Variants in SLC24A3 observed in about 807,000 individuals in gnomAD.
SLC24A3 encodes the protein solute carrier family 24 member 3, also known as sodium/potassium/calcium exchanger 3.
In SLC24A3, 28 loss-of-function variants were observed where a neutral mutation model predicts 75.8. The ratio of observed to expected loss-of-function variants is 0.37; its 90% CI spans 0.27 to 0.51. The LOEUF is 0.51. Ranked by LOEUF, SLC24A3 falls within the 20% of genes least tolerant of loss-of-function variation. SLC24A3 has a pLI of 0.94. For missense variants in SLC24A3, 663 were observed against 847.8 expected (o/e 0.78, Z 2.71); for synonymous variants, 372 against 334.1 (o/e 1.11, Z -1.24).
In SLC24A3 at chr20:19,671,648, T is replaced by G. The variant is rs2032468808; in HGVS notation, c.714-1953T>G. Among the ~76,000 whole-genome samples the G allele has an allele frequency of 3.9e-5, 4 of 101,868 alleles. No homozygotes were observed. In the Admixed American group the frequency reaches 4.0e-4, roughly 10 times the overall value. 66.8% of individuals were successfully genotyped at this position (101,868 alleles called of 152,430 possible). On this transcript the variant is annotated intron_variant, in intron 8 of 16. Coordinates refer to ENST00000328041, the MANE Select transcript of SLC24A3 (RefSeq NM_020689.4). The stretch of plus-strand genomic sequence containing the variant: ...AAGCCCAGGGTTGGTTTTTTTTTTG[T>G]TTTTTTGTTTTTTTGTTTTTTTGTT...
At chr20:19,632,306 T>A (rs568069654) in intron 6 of SLC24A3, among the ~76,000 whole-genome samples, 215 of 152,340 alleles carry the variant, frequency 1.4e-3, no homozygotes, top group African/African-American at 5.0e-3. Flanking sequence ...CTTACAGTTC[T>A]GGATGTTAGA....
At chr20:19,542,437 G>A (rs1204984316) in intron 3 of SLC24A3, among the ~76,000 whole-genome samples, 1 of 152,176 alleles carries the variant, frequency 6.6e-6, no homozygotes, top group Non-Finnish European at 1.5e-5. Context: ...ACTTCCAGGT[G>A]AAATCACCTG....
chr20:19,595,954 C>T (rs1040711964), intron 6 of SLC24A3, among the ~76,000 whole-genome samples: 1 of 152,068 alleles, frequency 6.6e-6, no homozygotes, highest in Non-Finnish European at 1.5e-5. Context: ...CAGAAGCAAG[C>T]TTGACATGTT....
At chr20:19,715,502 G>T (rs2033035380) in intron 15 of SLC24A3, among the ~76,000 whole-genome samples, 1 of 152,198 alleles carries the variant, frequency 6.6e-6, no homozygotes, top group South Asian at 2.1e-4. Flanking sequence ...TCCAGCTGGG[G>T]GCCAGCAAAT....
chr20:19,575,262 A>G (rs1339798414), intron 3 of SLC24A3, among the ~76,000 whole-genome samples: 4 of 124,202 alleles, frequency 3.2e-5, no homozygotes, highest in Non-Finnish European at 7.1e-5. Flanking sequence ...CTCAAAAAAA[A>G]AAAAAAAAAA....
intron 2 of SLC24A3, among the ~76,000 whole-genome samples, chr20:19,481,887 G>A (rs918420170): frequency 1.3e-5 from 2 of 151,998 alleles, no homozygotes; most frequent in South Asian, 4.1e-4. Flanking sequence ...TAGACCTAGT[G>A]GACACCTCCT....
At chr20:19,586,424 T>C (rs1359661587) in intron 6 of SLC24A3, among the ~76,000 whole-genome samples, 1 of 152,214 alleles carries the variant, frequency 6.6e-6, no homozygotes, top group African/African-American at 2.4e-5. Context: ...AGGAACCTGC[T>C]GATCCTAACC....
In SLC24A3 at chr20:19,698,802, G is replaced by A. The variant is rs2032840782; in HGVS notation, c.1719+122G>A. ...GGTGTAGAAATCGTAATATTGAGGG[G>A]GAAACAAATTCTCCTTGTCAAAGGC... On this transcript the variant is annotated intron_variant, in intron 15 of 16. Coordinates refer to ENST00000328041, the MANE Select transcript of SLC24A3 (RefSeq NM_020689.4). 1.4e-5 allele frequency: 10 copies of A among 737,566 alleles called. No individual in the cohort carries two copies. The South Asian group carries it at 1.4e-4, about 11-fold the overall frequency. The allele number at this position is 737,566 out of a possible 1,614,324, so 45.7% of individuals were successfully genotyped here.
chr20:19,303,278 G>A (rs1240538131), intron 2 of SLC24A3, among the ~76,000 whole-genome samples: 1 of 152,152 alleles, frequency 6.6e-6, no homozygotes, highest in African/African-American at 2.4e-5. Context: ...TTCTGTCCCT[G>A]TGTTAGTTTG....
chr20:19,593,415 C>T (rs2031406594), intron 6 of SLC24A3, among the ~76,000 whole-genome samples: 1 of 152,236 alleles, frequency 6.6e-6, no homozygotes, highest in Non-Finnish European at 1.5e-5. Flanking sequence ...AAAAGCCAGT[C>T]AGGCTGGCAG....
chr20:19,451,558 A>G (rs1987481213), intron 2 of SLC24A3, among the ~76,000 whole-genome samples: 1 of 152,172 alleles, frequency 6.6e-6, no homozygotes, highest in Non-Finnish European at 1.5e-5. Context: ...TGTTACTTGA[A>G]CTAGTCCTCT....
intron 7 of SLC24A3, among the ~76,000 whole-genome samples, chr20:19,664,776 G>C (rs1234353129): frequency 6.6e-6 from 1 of 152,222 alleles, no homozygotes; most frequent in Non-Finnish European, 1.5e-5. Flanking sequence ...TGTCCTTCAG[G>C]AGTTTGAGAA....
In SLC24A3 at chr20:19,577,361, A is replaced by G. The variant is rs1163046049; in HGVS notation, c.349-2639A>G. On this transcript the variant is annotated intron_variant, in intron 3 of 16. Coordinates refer to ENST00000328041, the MANE Select transcript of SLC24A3 (RefSeq NM_020689.4). ...TGAGCCACCGTGCCCGTTAATCGACATTTTTAATAAAAAGCCCATTGGCAA... is the reference window on the plus strand; with the variant it reads ...TGAGCCACCGTGCCCGTTAATCGACGTTTTTAATAAAAAGCCCATTGGCAA... Among the ~76,000 whole-genome samples, 5 of 152,144 alleles carry G rather than the reference A, an allele frequency of 3.3e-5. No individual in the cohort carries two copies. The East Asian group carries it at 9.6e-4, about 29-fold the overall frequency.
chr20:19,373,436 G>A (rs375515877), intron 2 of SLC24A3, among the ~76,000 whole-genome samples: 3 of 152,140 alleles, frequency 2.0e-5, no homozygotes, highest in African/African-American at 7.2e-5. Flanking sequence ...ACCTTTTGGA[G>A]GTCAGAGCTG....
chr20:19,337,345 G>A (rs1023453903), intron 2 of SLC24A3, among the ~76,000 whole-genome samples: 20 of 152,170 alleles, frequency 1.3e-4, no homozygotes, highest in African/African-American at 4.8e-4. Flanking sequence ...TCAGGAGGCT[G>A]AGACAGGAGA....
intron 2 of SLC24A3, among the ~76,000 whole-genome samples, chr20:19,507,259 C>A (rs1988474371): frequency 6.6e-6 from 1 of 152,192 alleles, no homozygotes; most frequent in Non-Finnish European, 1.5e-5. Context: ...TAACCTCCCT[C>A]CCCCAGTCTA....
In SLC24A3 at chr20:19,586,989, C is replaced by T. The variant is rs73900558; in HGVS notation, c.612+1445C>T. Among the ~76,000 whole-genome samples the T allele has an allele frequency of 7.1e-3, 1,077 of 152,240 alleles. 10 individuals are homozygous for T. Among genetic ancestry groups the T allele is most frequent in the African/African-American group, 0.025 (1,021 of 41,560 alleles). Reference sequence around the variant, plus strand: ...TTTAAAAAATGAGTCTCTGCCTTTGCCTTTGGTGCTATTTGCACTTCCCTG... The same window carrying T: ...TTTAAAAAATGAGTCTCTGCCTTTGTCTTTGGTGCTATTTGCACTTCCCTG... On this transcript the variant is annotated intron_variant, in intron 6 of 16. Transcript: ENST00000328041.
intron 3 of SLC24A3, among the ~76,000 whole-genome samples, chr20:19,550,472 T>C (rs2030673619): frequency 6.6e-6 from 1 of 151,986 alleles, no homozygotes; most frequent in Non-Finnish European, 1.5e-5. Flanking sequence ...CACTCAGAAA[T>C]TAAAAAGAAT....
rs146989652 is a variant in SLC24A3 at position 19,563,506 on chromosome 20, T to G, written c.349-16494T>G. 2.9e-3 allele frequency among the ~76,000 whole-genome samples: 435 copies of G among 152,326 alleles called. 1 individual carries two copies. The highest frequency in any genetic ancestry group is 9.9e-3 in the African/African-American group (410 of 41,576). ...AGGCTTATTTCTATACACACTTTTT[T>G]ATTAATAGAAGATTAGTTTTCTCCT... On this transcript the variant is annotated intron_variant, in intron 3 of 16. Transcript: ENST00000328041.
Sources: allele counts gnomAD v4.1 joint callset (sites outside exome capture counted in the v4.1 genomes callset), GRCh38; gene constraint gnomAD v4.1.1; transcripts MANE v1.5; gene names NCBI Gene and HGNC (gene_info 2026-07-23, HGNC 2026-07-21).